Variants in MYO1B observed in about 807,000 individuals in gnomAD.
MYO1B encodes unconventional myosin-Ib.
MYO1B carries 72 observed loss-of-function variants against 159.7 expected under a neutral mutation model. That is an observed-to-expected ratio of 0.45 (90% confidence interval 0.37 to 0.55). The LOEUF is 0.55. MYO1B is among the 20% of genes least tolerant of loss of function. The pLI is 0.00. For synonymous variants in MYO1B, 468 were observed against 473.8 expected, an observed-to-expected ratio of 0.99 and a Z score of 0.16; for missense variants, 1,062 against 1,364.8, an observed-to-expected ratio of 0.78 and a Z score of 3.50.
chr2:191,254,586 G>A (rs1261213268), intron 1 of MYO1B, among the ~76,000 whole-genome samples: 3 of 151,904 alleles, frequency 2.0e-5, no homozygotes, highest in African/African-American at 7.3e-5. Context: ...GCTCGGTGCA[G>A]CCTCATACTC....
At chr2:191,416,610 C>G (rs1328394107) in intron 30 of MYO1B, 1 of 165,422 alleles carries the variant, frequency 6.0e-6, no homozygotes, top group African/African-American at 2.4e-5. Flanking sequence ...GTCAGGAGTT[C>G]GAGACCAGCC....
At chr2:191,354,033 G>A (rs1199124519) in intron 7 of MYO1B, among the ~76,000 whole-genome samples, 7 of 152,036 alleles carry the variant, frequency 4.6e-5, no homozygotes, top group African/African-American at 1.2e-4. Flanking sequence ...CGAGGCAGGC[G>A]GATCACGAGG....
chr2:191,413,769 T>G (rs1013193974), intron 27 of MYO1B, among the ~76,000 whole-genome samples: 1 of 152,210 alleles, frequency 6.6e-6, no homozygotes, highest in Non-Finnish European at 1.5e-5. Context: ...CTGTTGTTCT[T>G]ATGAGTGATT....
At chr2:191,309,786 A>C (rs1056025420) in intron 3 of MYO1B, among the ~76,000 whole-genome samples, 2 of 152,226 alleles carry the variant, frequency 1.3e-5, no homozygotes, top group Non-Finnish European at 2.9e-5. Context: ...CTCTTAGGCT[A>C]CTTTATTTTT....
intron 21 of MYO1B, among the ~76,000 whole-genome samples, chr2:191,398,726 CTCCTCGCT>C (rs1696375431): frequency 6.6e-6 from 1 of 151,532 alleles, no homozygotes; most frequent in Non-Finnish European, 1.5e-5. Flanking sequence ...GGAAGAGGCG[CTCCTCGCT>C]TCCTAGATGG....
At chr2:191,291,023 C>T (rs1047810549) in intron 2 of MYO1B, among the ~76,000 whole-genome samples, 1 of 152,200 alleles carries the variant, frequency 6.6e-6, no homozygotes, top group Non-Finnish European at 1.5e-5. Flanking sequence ...CAAAAAAGTA[C>T]TGACCCCTGG....
At chr2:191,410,595 T>C (rs1245062468) in intron 26 of MYO1B, among the ~76,000 whole-genome samples, 3 of 152,216 alleles carry the variant, frequency 2.0e-5, no homozygotes, top group African/African-American at 7.2e-5. Context: ...TTCAATAAAA[T>C]GCAATAGAAT....
intron 30 of MYO1B, among the ~76,000 whole-genome samples, chr2:191,419,698 T>G (rs1471292890): frequency 6.6e-6 from 1 of 152,304 alleles, no homozygotes; most frequent in South Asian, 2.1e-4. Context: ...GACATGGAGA[T>G]AGAAGACAGT....
intron 13 of MYO1B, among the ~76,000 whole-genome samples, chr2:191,370,562 A>G (rs930570573): frequency 6.6e-6 from 1 of 152,120 alleles, no homozygotes. Flanking sequence ...TTTTGGAGAC[A>G]GTACTGCTTA....
At chr2:191,390,110 A>G (rs1490179586) in intron 17 of MYO1B, among the ~76,000 whole-genome samples, 182 bp from the exon 18 acceptor site, 4 of 151,116 alleles carry the variant, frequency 2.6e-5, no homozygotes, top group African/African-American at 5.0e-5. Flanking sequence ...TGCCTGCAGT[A>G]TTGTATTTAT....
chr2:191,387,753 TA>T, intron 17 of MYO1B: 2 of 385,582 alleles, frequency 5.2e-6, no homozygotes, highest in South Asian at 6.3e-5. Context: ...AATGGCAAGT[TA>T]AAAAACAAAA....
intron 1 of MYO1B, among the ~76,000 whole-genome samples, chr2:191,249,545 G>C (rs148833914): frequency 1.3e-5 from 2 of 152,198 alleles, no homozygotes; most frequent in African/African-American, 4.8e-5. Context: ...CCTTAGGGTG[G>C]CACTGAGAGT....
chr2:191,416,367 C>T, intron 30 of MYO1B, 125 bp downstream of exon 30: 1 of 1,176,142 alleles, frequency 8.5e-7, no homozygotes. Context: ...GTAGTTGTTC[C>T]ACATGATAAA....
chr2:191,381,557 T>C lies in MYO1B; in HGVS notation c.1281T>C (p.Tyr427=). 1 of 1,608,592 alleles carries C rather than the reference T, an allele frequency of 6.2e-7. No individual in the cohort carries two copies. Among genetic ancestry groups the C allele is most frequent in the South Asian group, 1.1e-5 (1 of 90,894 alleles). Residue 427 remains tyrosine (Y), a synonymous_variant, in exon 14 of 31, where the codon TAT becomes TAC. Transcript: ENST00000392318. ...ELTLKEEQEE[Y]IREDIEWTHI... ...CTCTTAAAGAAGAGCAGGAGGAGTA[T>C]ATACGGGAGGTAATGTTGAAATGCT... is the stretch of plus-strand genomic sequence containing the variant.
intron 3 of MYO1B, among the ~76,000 whole-genome samples, chr2:191,303,986 G>T (rs1000502600): frequency 6.6e-6 from 1 of 152,190 alleles, no homozygotes; most frequent in Admixed American, 6.5e-5. Flanking sequence ...AAAATAAGCA[G>T]AAGGCAGGCA....
intron 24 of MYO1B, among the ~76,000 whole-genome samples, chr2:191,405,816 T>G (rs1696884175): frequency 6.6e-6 from 1 of 152,352 alleles, no homozygotes; most frequent in South Asian, 2.1e-4. Flanking sequence ...ACAGGCGGAG[T>G]AGATTTAGCA....
chr2:191,378,700 G>C (rs1694862127), intron 13 of MYO1B, among the ~76,000 whole-genome samples: 1 of 152,128 alleles, frequency 6.6e-6, no homozygotes, highest in Non-Finnish European at 1.5e-5. Context: ...AAATAAAATA[G>C]TGGTAAAGCG....
At chr2:191,316,155 T>G (rs1690335118) in intron 3 of MYO1B, among the ~76,000 whole-genome samples, 1 of 152,262 alleles carries the variant, frequency 6.6e-6, no homozygotes, top group Admixed American at 6.5e-5. Context: ...GGTCTTCAGA[T>G]AATTGGAGGT....
In MYO1B at chr2:191,346,251, A is replaced by C. The variant is rs370076083; in HGVS notation, c.467A>C (p.Lys156Thr). The C allele has an allele frequency of 3.6e-5, 57 of 1,572,152 alleles. No individual in the cohort carries two copies. Among genetic ancestry groups the C allele is most frequent in the Non-Finnish European group, 4.5e-5 (52 of 1,157,852 alleles). Residue 156 changes from lysine to threonine, a missense_variant, in exon 6 of 31, where the codon AAA becomes ACA. Around this residue, in one of 5 missense-constraint regions of MYO1B, gnomAD observed 415 missense variants for 544.0 expected, o/e 0.76. Transcript: ENST00000392318. ...TTCCTACTAGCTTTTGGAAATGCCA[A>C]AACTGTAAGGAATGACAACTCCTCT... ...NPVLEAFGNAKTVRNDNSSRF... is the reference protein window; with the variant it reads ...NPVLEAFGNATTVRNDNSSRF...
Sources: gnomAD v4.1 joint callset for allele counts (sites outside exome capture counted in the v4.1 genomes callset) on GRCh38, gnomAD v4.1.1 for gene constraint, gnomAD v4.1.1 regional missense constraint, MANE v1.5 for transcripts, NCBI Gene and HGNC (gene_info 2026-07-23, HGNC 2026-07-21) for gene names.